The following PDGFC variants were observed in gnomAD, a reference collection of about 807,000 sequenced individuals.
PDGFC encodes the protein platelet derived growth factor C.
A neutral mutation model predicts 35.5 loss-of-function variants in PDGFC; 12 were observed. The ratio of observed to expected loss-of-function variants is 0.34; its 90% confidence interval spans 0.22 to 0.55. The LOEUF (loss-of-function observed/expected upper bound fraction) is 0.55. Ranked by LOEUF, PDGFC falls within the 20% of genes least tolerant of loss-of-function variation. The pLI is 0.91. For synonymous variants in PDGFC, 159 were observed against 148.8 expected (o/e 1.07, Z -0.50); for missense variants, 322 against 412.4 (o/e 0.78, Z 1.90).
intron 1 of PDGFC, among the ~76,000 whole-genome samples, chr4:156,855,722 A>C (rs1219459356): frequency 6.6e-6 from 1 of 152,144 alleles, no homozygotes; most frequent in Non-Finnish European, 1.5e-5. Flanking sequence ...CACCTGTGAT[A>C]ATTTTTCTAC....
intron 1 of PDGFC, among the ~76,000 whole-genome samples, chr4:156,906,775 C>G (rs1191567928): frequency 6.6e-6 from 1 of 152,100 alleles, no homozygotes; most frequent in East Asian, 1.9e-4. Context: ...GAGGGAGTCA[C>G]AACAAAAATT....
intron 1 of PDGFC, among the ~76,000 whole-genome samples, chr4:156,864,297 T>G (rs1339140384): frequency 6.6e-6 from 1 of 152,118 alleles, no homozygotes; most frequent in Non-Finnish European, 1.5e-5. Context: ...CAGCAACTGA[T>G]TACCGTGTCA....
At chr4:156,807,880 T>A (rs1185230380) in intron 3 of PDGFC, among the ~76,000 whole-genome samples, 1 of 152,204 alleles carries the variant, frequency 6.6e-6, no homozygotes, top group South Asian at 2.1e-4. Flanking sequence ...TTGGGTTGAT[T>A]ATGAAAAGTA....
At chr4:156,775,290 T>C (rs1322923038) in intron 3 of PDGFC, among the ~76,000 whole-genome samples, 3 of 152,168 alleles carry the variant, frequency 2.0e-5, no homozygotes, top group African/African-American at 7.2e-5. Flanking sequence ...TAAGCCTATA[T>C]ATGTATACAA....
At chr4:156,851,765 A>G (rs1190353777) in intron 1 of PDGFC, among the ~76,000 whole-genome samples, 1 of 151,816 alleles carries the variant, frequency 6.6e-6, no homozygotes, top group East Asian at 1.9e-4. Context: ...TCCCGTCTCT[A>G]CTAAAAATAC....
At chr4:156,792,921 CCAAA>C (rs1351280448) in intron 3 of PDGFC, among the ~76,000 whole-genome samples, 3 of 152,206 alleles carry the variant, frequency 2.0e-5, no homozygotes, top group South Asian at 4.2e-4. Context: ...GCCATTGGCA[CCAAA>C]CAGTTACAGG....
At chr4:156,848,287 T>A (rs1054988681) in intron 2 of PDGFC, among the ~76,000 whole-genome samples, 1 of 151,942 alleles carries the variant, frequency 6.6e-6, no homozygotes, top group African/African-American at 2.4e-5. Context: ...GAGAATGCTG[T>A]GCAACAAAAA....
intron 1 of PDGFC, among the ~76,000 whole-genome samples, chr4:156,919,990 T>C (rs754927498): frequency 1.3e-5 from 2 of 152,048 alleles, no homozygotes; most frequent in African/African-American, 2.4e-5. Flanking sequence ...ACTCTATGAG[T>C]TCATGCCAGA....
intron 1 of PDGFC, among the ~76,000 whole-genome samples, chr4:156,923,824 A>T (rs2110851243): frequency 6.6e-6 from 1 of 152,264 alleles, no homozygotes; most frequent in East Asian, 1.9e-4. Context: ...TGGAAAAAAA[A>T]AATCCATTCT....
intron 4 of PDGFC, among the ~76,000 whole-genome samples, chr4:156,769,044 A>G (rs1447012161): frequency 6.6e-6 from 1 of 151,932 alleles, no homozygotes; most frequent in African/African-American, 2.4e-5. Context: ...AAATAAAGCA[A>G]TTCCAATGAG....
chr4:156,828,767 A>T (rs1481701802), intron 2 of PDGFC, among the ~76,000 whole-genome samples: 1 of 152,158 alleles, frequency 6.6e-6, no homozygotes, highest in East Asian at 1.9e-4. Flanking sequence ...TTACTTCCTA[A>T]GTAAGCTTGT....
chr4:156,958,454 A>G (rs1400449737), intron 1 of PDGFC, among the ~76,000 whole-genome samples: 3 of 152,078 alleles, frequency 2.0e-5, no homozygotes, highest in African/African-American at 4.8e-5. Flanking sequence ...GTAACACTTA[A>G]AAGTTGCCAG....
intron 1 of PDGFC, among the ~76,000 whole-genome samples, chr4:156,965,576 G>A (rs980954659): frequency 9.2e-5 from 14 of 152,012 alleles, no homozygotes; most frequent in African/African-American, 3.4e-4. Context: ...TGAAGGGAAG[G>A]TGTTATCCAT....
At chr4:156,838,132 C>G (rs181235513) in intron 2 of PDGFC, among the ~76,000 whole-genome samples, 17 of 152,286 alleles carry the variant, frequency 1.1e-4, no homozygotes, top group Admixed American at 1.0e-3. Flanking sequence ...TCCAGAAGTG[C>G]GCGTAGTAAA....
chr4:156,867,146 AAT>A (rs548284517), intron 1 of PDGFC, among the ~76,000 whole-genome samples: 123 of 152,350 alleles, frequency 8.1e-4, no homozygotes, highest in Middle Eastern at 6.8e-3. Context: ...TCAGTAATTA[AAT>A]ATGTTAGCAT....
intron 1 of PDGFC, among the ~76,000 whole-genome samples, chr4:156,916,611 TATGC>T (rs1391916311): frequency 6.6e-6 from 1 of 152,214 alleles, no homozygotes; most frequent in African/African-American, 2.4e-5. Flanking sequence ...TCAAGCTCTC[TATGC>T]TGTTGTCTCG....
rs1434411974 is a variant in PDGFC, at chr4:156,954,869, A to C, written c.118+15917T>G. Reference sequence around the variant, plus strand: ...TTATGACACCAGATGCCAAGACTGCAGCAGAACAAGCTGTGTTGGGTCTAA... The same window carrying C: ...TTATGACACCAGATGCCAAGACTGCCGCAGAACAAGCTGTGTTGGGTCTAA... On this transcript the variant is annotated intron_variant, in intron 1 of 5. Coordinates refer to ENST00000502773, the MANE Select transcript of PDGFC (RefSeq NM_016205.3). Among the ~76,000 whole-genome samples, 4 of 152,068 alleles carry C rather than the reference A, an allele frequency of 2.6e-5. No homozygotes were observed. The East Asian group carries it at 7.8e-4, about 30-fold the overall frequency.
At chr4:156,843,626 T>TTTTG (rs1729257042) in intron 2 of PDGFC, among the ~76,000 whole-genome samples, 1 of 152,170 alleles carries the variant, frequency 6.6e-6, no homozygotes, top group Non-Finnish European at 1.5e-5. Context: ...GTACTGAATT[T>TTTTG]TTTGTTTGTT....
intron 1 of PDGFC, among the ~76,000 whole-genome samples, chr4:156,902,585 T>C (rs1730815819): frequency 6.6e-6 from 1 of 152,268 alleles, no homozygotes; most frequent in South Asian, 2.1e-4. Context: ...AACTTTTTAA[T>C]AACTTTAATA....
Sources: allele counts gnomAD v4.1 joint callset (sites outside exome capture counted in the v4.1 genomes callset), GRCh38; gene constraint gnomAD v4.1.1; transcripts MANE v1.5; gene names NCBI Gene and HGNC (gene_info 2026-07-23, HGNC 2026-07-21).